The following OSBPL10 variants were observed in gnomAD, a reference collection of about 807,000 sequenced individuals.
OSBPL10 encodes oxysterol-binding protein-related protein 10.
In OSBPL10, 49 loss-of-function variants were observed where a neutral mutation model predicts 81.7. The ratio of observed to expected loss-of-function variants is 0.60; its 90% CI spans 0.48 to 0.76. The LOEUF is 0.76. Among genes scored for constraint, OSBPL10 ranks in the 30% least tolerant of loss-of-function variants. The pLI, the probability that OSBPL10 is intolerant of heterozygous loss-of-function variation, is 0.00. For synonymous variants in OSBPL10, 419 were observed against 383.6 expected (o/e 1.09, Z -1.08); for missense variants, 923 against 987.8 (o/e 0.93, Z 0.88).
At chr3:32,001,329 G>A (rs570089764) in intron 2 of OSBPL10, among the ~76,000 whole-genome samples, 3 of 152,174 alleles carry the variant, frequency 2.0e-5, no homozygotes, top group Non-Finnish European at 4.4e-5. Context: ...CAGTCTTGCT[G>A]ATCTGTTGGT....
intron 2 of OSBPL10, among the ~76,000 whole-genome samples, chr3:32,024,610 C>T (rs1380705256): frequency 6.6e-6 from 1 of 151,742 alleles, no homozygotes; most frequent in Middle Eastern, 3.4e-3. Flanking sequence ...TCAGCCCCCC[C>T]AGTAGCTGGG....
At chr3:31,964,409 G>C (rs62244383) in intron 1 of OSBPL10, among the ~76,000 whole-genome samples, 4 of 151,894 alleles carry the variant, frequency 2.6e-5, no homozygotes, top group African/African-American at 9.7e-5. Flanking sequence ...TGCCCGCCTC[G>C]GCCTCCCATA....
At chr3:31,997,004 G>A (rs376477803) in intron 2 of OSBPL10, among the ~76,000 whole-genome samples, 2 of 152,284 alleles carry the variant, frequency 1.3e-5, no homozygotes, top group East Asian at 3.9e-4. Flanking sequence ...TCATCTTGAT[G>A]CAAAGGTGGG....
chr3:31,733,473 A>G, intron 5 of OSBPL10, 62 bp from the exon 6 acceptor site: 1 of 1,601,334 alleles, frequency 6.2e-7, no homozygotes, highest in Non-Finnish European at 8.6e-7. Context: ...TAGCTCATGA[A>G]ATATTTGTAC....
At chr3:31,709,108 G>A in intron 6 of OSBPL10, 1 of 889,448 alleles carries the variant, frequency 1.1e-6, no homozygotes, top group Non-Finnish European at 1.3e-6. Context: ...CGATGGAGAA[G>A]CTGGATCTTA....
chr3:31,683,664 T>A lies in OSBPL10; in HGVS notation c.1696A>T (p.Met566Leu). Residue 566 changes from methionine (M) to leucine (L), a missense_variant, in exon 8 of 12, where the codon ATG becomes TTG. By Grantham distance (15) the Met-to-Leu change is conservative (BLOSUM62 2). This residue lies in a region of OSBPL10 where 387 missense variants were observed against 436.3 expected (regional missense o/e 0.89). Coordinates refer to ENST00000396556, the MANE Select transcript of OSBPL10 (RefSeq NM_017784.5). ...HVWTKSKFMG[M>L]SVGVSMIGEG... ...CCTATCATAGAGACCCCCACGGACA[T>A]GCCCATGAACTTGCTTTTGGTCCAT... The A allele has an allele frequency of 2.5e-6, 4 of 1,613,482 alleles. 1 individual carries two copies. The highest frequency in any genetic ancestry group is 1.1e-5 in the South Asian group (1 of 91,078).
chr3:31,926,253 A>T (rs1421302319), intron 1 of OSBPL10, among the ~76,000 whole-genome samples: 1 of 150,554 alleles, frequency 6.6e-6, no homozygotes, highest in African/African-American at 2.5e-5. Context: ...CTCTTTATAA[A>T]GCATAAACCG....
At chr3:31,682,474 G>C (rs77452445) in intron 8 of OSBPL10, among the ~76,000 whole-genome samples, 7,160 of 152,274 alleles carry the variant, frequency 0.047, 361 homozygotes, top group East Asian at 0.3. Context: ...CATTTTACCT[G>C]TAGGCCTCTG....
intron 1 of OSBPL10, among the ~76,000 whole-genome samples, chr3:31,958,939 A>G (rs1698083507): frequency 6.6e-6 from 1 of 152,228 alleles, no homozygotes; most frequent in African/African-American, 2.4e-5. Flanking sequence ...CCAAAGAGTA[A>G]GCACTCCAGC....
chr3:31,743,918 A>G (rs1438874331), intron 5 of OSBPL10, among the ~76,000 whole-genome samples: 1 of 152,204 alleles, frequency 6.6e-6, no homozygotes, highest in Non-Finnish European at 1.5e-5. Flanking sequence ...GAGAGCCCCA[A>G]GTGTCTAAAC....
At chr3:31,686,743 G>T (rs1204474568) in intron 7 of OSBPL10, among the ~76,000 whole-genome samples, 1 of 152,146 alleles carries the variant, frequency 6.6e-6, no homozygotes, top group Non-Finnish European at 1.5e-5. Flanking sequence ...CATTTAGCTT[G>T]AAATAACCTT....
Position 32,076,497 on chromosome 3 carries a change from G to A in OSBPL10, n.185+899C>T, listed in dbSNP as rs570777712. On this transcript the variant is annotated intron_variant and non_coding_transcript_variant, in intron 1 of 3. Coordinates refer to the OSBPL10 transcript ENST00000479173. Reference sequence around the variant, plus strand: ...TTTGGTGGTCTCTTCACACGGACACGCGTGACACAACCTTAAGGCATCTGG... The same window carrying A: ...TTTGGTGGTCTCTTCACACGGACACACGTGACACAACCTTAAGGCATCTGG... 4.4e-4 allele frequency among the ~76,000 whole-genome samples: 67 copies of A among 152,162 alleles called. 3 individuals carry two copies. In the South Asian group the frequency reaches 0.013, roughly 30 times the overall value.
intron 7 of OSBPL10, among the ~76,000 whole-genome samples, chr3:31,701,390 T>C (rs1388300366): frequency 6.6e-6 from 1 of 152,188 alleles, no homozygotes; most frequent in Non-Finnish European, 1.5e-5. Context: ...ATCATGTCTG[T>C]CTGTCTGTGT....
intron 1 of OSBPL10, among the ~76,000 whole-genome samples, chr3:31,965,396 T>C (rs192653439): frequency 9.2e-6 from 1 of 108,592 alleles, no homozygotes; most frequent in East Asian, 2.3e-4. Context: ...ATGTATAATA[T>C]ATAATATAAA....
intron 4 of OSBPL10, among the ~76,000 whole-genome samples, chr3:31,773,946 G>A (rs1471982263): frequency 2.6e-5 from 4 of 151,980 alleles, no homozygotes; most frequent in East Asian, 1.9e-4. Context: ...GGTGGATCAC[G>A]AGGTCAGGAG....
At chr3:31,670,464 A>G (rs1044495059) in intron 9 of OSBPL10, among the ~76,000 whole-genome samples, 19 of 152,172 alleles carry the variant, frequency 1.2e-4, no homozygotes, top group African/African-American at 4.3e-4. Flanking sequence ...CTGTCTGGCT[A>G]TGTCTGGGTT....
intron 2 of OSBPL10, among the ~76,000 whole-genome samples, chr3:32,043,614 T>G (rs1156899350): frequency 1.3e-5 from 2 of 152,184 alleles, no homozygotes; most frequent in Non-Finnish European, 2.9e-5. Context: ...GGTCCCTCCG[T>G]TTGGGATCCC....
intron 4 of OSBPL10, among the ~76,000 whole-genome samples, chr3:31,754,453 C>T (rs896535956): frequency 2.0e-5 from 3 of 151,730 alleles, no homozygotes; most frequent in African/African-American, 7.3e-5. Context: ...AAACAGATGA[C>T]AATGTTACAA....
intron 2 of OSBPL10, among the ~76,000 whole-genome samples, chr3:32,031,156 T>A (rs1168286974): frequency 4.7e-5 from 7 of 148,048 alleles, no homozygotes; most frequent in Admixed American, 6.8e-5. Flanking sequence ...CAAGAGAGAC[T>A]CCATCTCAAA....
Sources: gnomAD v4.1 joint callset for allele counts (sites outside exome capture counted in the v4.1 genomes callset) on GRCh38, gnomAD v4.1.1 for gene constraint, gnomAD v4.1.1 regional missense constraint, MANE v1.5 for transcripts, NCBI Gene and HGNC (gene_info 2026-07-23, HGNC 2026-07-21) for gene names.